Variants in PRKAG2 observed in about 807,000 individuals in gnomAD.
PRKAG2 encodes protein kinase AMP-activated non-catalytic subunit gamma 2.
PRKAG2 carries 26 observed loss-of-function variants against 69.6 expected under a neutral mutation model. The observed-to-expected ratio is 0.37, with a 90% CI of 0.27 to 0.52. The LOEUF is 0.52. PRKAG2 is among the 20% of genes least tolerant of loss of function. PRKAG2 has a pLI of 0.90. For missense variants in PRKAG2, 557 were observed against 740.0 expected, an observed-to-expected ratio of 0.75 and a Z score of 2.87; for synonymous variants, 293 against 285.0, an observed-to-expected ratio of 1.03 and a Z score of -0.28.
chr7:151,869,487 G>A (rs542241689), intron 1 of PRKAG2, among the ~76,000 whole-genome samples: 1 of 152,334 alleles, frequency 6.6e-6, no homozygotes, highest in Non-Finnish European at 1.5e-5. Flanking sequence ...TTGTGAAGTA[G>A]GGATAAGAGG....
intron 3 of PRKAG2, among the ~76,000 whole-genome samples, chr7:151,698,661 A>C (rs1238636726): frequency 2.0e-5 from 3 of 152,184 alleles, no homozygotes; most frequent in Non-Finnish European, 4.4e-5. Flanking sequence ...AGCAGACACC[A>C]GCACCATGCT....
chr7:151,748,255 T>C (rs530095075), intron 3 of PRKAG2, among the ~76,000 whole-genome samples: 1 of 152,306 alleles, frequency 6.6e-6, no homozygotes, highest in Admixed American at 6.5e-5. Flanking sequence ...GGAACAGCTA[T>C]ACTTACAGTA....
intron 2 of PRKAG2, among the ~76,000 whole-genome samples, chr7:151,783,738 C>A (rs1386240554): frequency 1.3e-5 from 2 of 151,524 alleles, no homozygotes; most frequent in Non-Finnish European, 2.9e-5. Flanking sequence ...TGGCAAAACC[C>A]TGTCTCTACA....
At chr7:151,694,058 G>A (rs561095569) in intron 3 of PRKAG2, among the ~76,000 whole-genome samples, 1 of 152,296 alleles carries the variant, frequency 6.6e-6, no homozygotes, top group East Asian at 1.9e-4. Context: ...ATTTTTAGTA[G>A]AGACAGGGTT....
At chr7:151,851,921 G>A (rs895772414) in intron 1 of PRKAG2, among the ~76,000 whole-genome samples, 3 of 152,146 alleles carry the variant, frequency 2.0e-5, no homozygotes, top group South Asian at 2.1e-4. Flanking sequence ...CTGCTCTGGT[G>A]AAGGGCTTCC....
chr7:151,718,264 A>T (rs921795555), intron 3 of PRKAG2, among the ~76,000 whole-genome samples: 1 of 141,714 alleles, frequency 7.1e-6, no homozygotes, highest in Non-Finnish European at 1.5e-5. Context: ...CCGCCTTCCC[A>T]TGGTGGTGGG....
Position 151,836,906 on chromosome 7 carries a change from G to A in PRKAG2, c.114+39601C>T, listed in dbSNP as rs78365839. Reference sequence around the variant, plus strand: ...AGAACAGAGTGAGCACTCCAGACGCGAAAGGGCCCGGCCCAGCCAGCTTGC... The same window carrying A: ...AGAACAGAGTGAGCACTCCAGACGCAAAAGGGCCCGGCCCAGCCAGCTTGC... On this transcript the variant is annotated intron_variant, in intron 1 of 15. Transcript: ENST00000287878. The surrounding 1 kb of genome is among the most constrained non-coding windows in gnomAD (Gnocchi z 4.1). 0.014 allele frequency among the ~76,000 whole-genome samples: 2,106 copies of A among 152,238 alleles called. 60 individuals are homozygous for A. The highest frequency in any genetic ancestry group is 0.048 in the African/African-American group (1,987 of 41,540).
Position 151,582,705 on chromosome 7 carries a change from C to T in PRKAG2, c.865-6253G>A, listed in dbSNP as rs1810777353. ...GTATCTCTACAGAACAGGGACACTG[C>T]TTCATTTCTCAAACTGAAATCATAA... On this transcript the variant is annotated intron_variant, in intron 6 of 15. Transcript: ENST00000287878. Among the ~76,000 whole-genome samples, 4 of 152,330 alleles carry T rather than the reference C, an allele frequency of 2.6e-5. 1 individual carries two copies. The highest frequency in any genetic ancestry group is 6.8e-3 in the Middle Eastern group (2 of 294).
intron 3 of PRKAG2, among the ~76,000 whole-genome samples, chr7:151,726,323 G>A (rs1257273092): frequency 6.6e-6 from 1 of 151,952 alleles, no homozygotes; most frequent in African/African-American, 2.4e-5. Context: ...TAGGAAGCCT[G>A]GGGAAGTGAA....
intron 3 of PRKAG2, among the ~76,000 whole-genome samples, chr7:151,762,402 G>A (rs566618123): frequency 7.6e-4 from 116 of 152,280 alleles, no homozygotes; most frequent in Non-Finnish European, 1.0e-3. Flanking sequence ...CGACGTATAC[G>A]TAAGCTTAAG....
rs1191992851 is a variant in PRKAG2 at position 151,632,296 on chromosome 7, G to A, written c.685-158C>T. The A allele has an allele frequency of 2.1e-6, 2 of 938,218 alleles. No homozygotes were observed. Among genetic ancestry groups the A allele is most frequent in the Non-Finnish European group, 2.5e-6 (2 of 787,784 alleles). 58.1% of individuals were successfully genotyped at this position (938,218 alleles called of 1,614,324 possible). A position where few individuals can be genotyped will look rare whatever the true frequency, so the allele number is the denominator to read the frequency against. On this transcript the variant is annotated intron_variant, in intron 4 of 15. Transcript: ENST00000287878. This position sits in a 1 kb window ranked among gnomAD's most constrained non-coding sequence, Gnocchi z 4.2. ...GGGCAGCGGGGGCCGGGGGCGGAGC[G>A]GGAGCGCTGCCCCCACCCGCCCGAG... is the stretch of plus-strand genomic sequence containing the variant.
intron 3 of PRKAG2, among the ~76,000 whole-genome samples, chr7:151,682,881 G>A (rs894512214): frequency 3.3e-5 from 5 of 152,320 alleles, no homozygotes; most frequent in African/African-American, 1.2e-4. Context: ...TCCTGGAGGA[G>A]GACACAGGTC....
At chr7:151,623,411 C>T (rs1306683612) in intron 5 of PRKAG2, among the ~76,000 whole-genome samples, 1 of 139,800 alleles carries the variant, frequency 7.2e-6, no homozygotes, top group Non-Finnish European at 1.5e-5. Flanking sequence ...GAGTGTGCAA[C>T]CTAGATCCCT....
intron 3 of PRKAG2, among the ~76,000 whole-genome samples, chr7:151,713,215 G>A (rs1006687161): frequency 6.6e-6 from 1 of 151,770 alleles, no homozygotes; most frequent in Non-Finnish European, 1.5e-5. Flanking sequence ...TGACATCTTA[G>A]AAAATGGATA....
intron 6 of PRKAG2, among the ~76,000 whole-genome samples, chr7:151,584,220 G>C (rs933843062): frequency 2.0e-5 from 3 of 152,174 alleles, no homozygotes; most frequent in Non-Finnish European, 4.4e-5. Context: ...TGGAAGGACT[G>C]TTTTCTGGAG....
intron 1 of PRKAG2, among the ~76,000 whole-genome samples, chr7:151,844,661 G>T (rs1168487189): frequency 6.6e-6 from 1 of 152,184 alleles, no homozygotes; most frequent in Non-Finnish European, 1.5e-5. Context: ...CGTGAGTCAT[G>T]GTCCAAAAGT....
chr7:151,867,939 C>T (rs2080118946), intron 1 of PRKAG2, among the ~76,000 whole-genome samples: 1 of 152,204 alleles, frequency 6.6e-6, no homozygotes, highest in Non-Finnish European at 1.5e-5. Flanking sequence ...GCAATGAACT[C>T]CCCTGGAAGA....
chr7:151,599,003 C>T (rs914007574), intron 5 of PRKAG2, among the ~76,000 whole-genome samples: 1 of 152,010 alleles, frequency 6.6e-6, no homozygotes, highest in Non-Finnish European at 1.5e-5. Flanking sequence ...AGGTGCACAC[C>T]ATCACACCTG....
intron 5 of PRKAG2, 97 bp downstream of exon 5, chr7:151,631,972 C>T: frequency 9.2e-7 from 1 of 1,088,066 alleles, no homozygotes; most frequent in Non-Finnish European, 1.1e-6. Context: ...CGCCGTGGGG[C>T]AGCGCCGGAG....
Sources: gnomAD v4.1 joint callset for allele counts (sites outside exome capture counted in the v4.1 genomes callset) on GRCh38, gnomAD v4.1.1 for gene constraint, Gnocchi (gnomAD v3.1) non-coding constraint, MANE v1.5 for transcripts, NCBI Gene and HGNC (gene_info 2026-07-23, HGNC 2026-07-21) for gene names.